Variants in ZNF362 observed in about 807,000 individuals in gnomAD.
ZNF362 encodes the protein zinc finger protein 362.
ZNF362 carries 11 observed loss-of-function variants against 42.9 expected under a neutral mutation model. The observed-to-expected ratio is 0.26, with a 90% CI of 0.16 to 0.42. The LOEUF (loss-of-function observed/expected upper bound fraction) is 0.42, where lower values mean the gene tolerates loss of function less well. ZNF362 is among the 20% of genes least tolerant of loss of function. The pLI, the probability that ZNF362 is intolerant of heterozygous loss-of-function variation, is 1.00. For missense variants in ZNF362, 362 were observed against 576.2 expected (o/e 0.63, Z 3.81); for synonymous variants, 255 against 257.3 (o/e 0.99, Z 0.09).
At chr1:33,163,515 T>A in the ZNF362 span, 1 of 152,218 alleles carries the variant, frequency 6.6e-6, no homozygotes, top group Non-Finnish European at 1.5e-5. Flanking sequence ...GTGCACCCCA[T>A]TTATTCTAGT....
chr1:33,158,996 A>G, the ZNF362 span, among the ~76,000 whole-genome samples: 1 of 151,952 alleles, frequency 6.6e-6, no homozygotes, highest in South Asian at 2.1e-4. Context: ...GCCTGCCACC[A>G]CGCCCGGCTA....
At chr1:33,245,212 C>T in the ZNF362 span, among the ~76,000 whole-genome samples, 1 of 152,172 alleles carries the variant, frequency 6.6e-6, no homozygotes. Context: ...ATTTAATCCA[C>T]TCAACCACCA....
the ZNF362 span, among the ~76,000 whole-genome samples, chr1:33,140,492 C>A: frequency 2.0e-5 from 3 of 152,216 alleles, no homozygotes; most frequent in African/African-American, 7.2e-5. This position sits in a 1 kb window ranked among gnomAD's most constrained non-coding sequence, Gnocchi z 4.0. Flanking sequence ...AGGAAGCAGG[C>A]ACAGGGGCTC....
the ZNF362 span, among the ~76,000 whole-genome samples, chr1:33,243,832 T>A: frequency 2.0e-5 from 3 of 150,638 alleles, no homozygotes; most frequent in Admixed American, 2.0e-4. Context: ...ATGGTCTCGA[T>A]CTCCTGACCT....
the ZNF362 span, among the ~76,000 whole-genome samples, chr1:33,240,274 G>A: frequency 6.6e-6 from 1 of 152,130 alleles, no homozygotes; most frequent in African/African-American, 2.4e-5. Flanking sequence ...TACCAAGGGC[G>A]GGAATCATCT....
intron 1 of ZNF362, among the ~76,000 whole-genome samples, chr1:33,268,082 A>G (rs1394802127): frequency 6.6e-6 from 1 of 152,214 alleles, no homozygotes. Context: ...TTTCACTGCT[A>G]TGGAAGCAGA....
At chr1:33,227,123 C>A in the ZNF362 span, among the ~76,000 whole-genome samples, 3 of 152,054 alleles carry the variant, frequency 2.0e-5, no homozygotes, top group South Asian at 2.1e-4. Flanking sequence ...ATGGATTGCA[C>A]AATTCTGTAA....
the ZNF362 span, chr1:33,158,508 C>G: frequency 1.6e-6 from 1 of 640,630 alleles, no homozygotes; most frequent in Non-Finnish European, 2.9e-6. Context: ...ATTCAAGTGC[C>G]TGCTTGTGCT....
At chr1:33,192,578 C>T in the ZNF362 span, among the ~76,000 whole-genome samples, 3 of 152,102 alleles carry the variant, frequency 2.0e-5, no homozygotes, top group African/African-American at 4.8e-5. Context: ...GGTTTATTAA[C>T]GGTTAATTTA....
chr1:33,223,690 C>G, the ZNF362 span, among the ~76,000 whole-genome samples: 2 of 151,992 alleles, frequency 1.3e-5, no homozygotes, highest in African/African-American at 4.8e-5. Flanking sequence ...GTCAGGAGTT[C>G]AAGATCAGCC....
chr1:33,272,475 C>T (rs1381736805), intron 2 of ZNF362, among the ~76,000 whole-genome samples: 1 of 152,178 alleles, frequency 6.6e-6, no homozygotes, highest in Non-Finnish European at 1.5e-5. Context: ...TTTCGTTCAT[C>T]CGCCCATCCA....
the ZNF362 span, among the ~76,000 whole-genome samples, chr1:33,158,065 G>T: frequency 1.3e-5 from 2 of 152,146 alleles, no homozygotes; most frequent in Non-Finnish European, 2.9e-5. Flanking sequence ...ATCTCCTGGG[G>T]TGTTATGAAG....
chr1:33,130,540 G>C, the ZNF362 span, among the ~76,000 whole-genome samples: 1 of 152,162 alleles, frequency 6.6e-6, no homozygotes, highest in Non-Finnish European at 1.5e-5. Flanking sequence ...CTGTGAGTGA[G>C]CTTGAAAGTA....
the ZNF362 span, among the ~76,000 whole-genome samples, chr1:33,244,048 G>T: frequency 6.6e-6 from 1 of 152,140 alleles, no homozygotes; most frequent in South Asian, 2.1e-4. This position sits in a 1 kb window ranked among gnomAD's most constrained non-coding sequence, Gnocchi z 4.0. Context: ...GATGGGATGG[G>T]GGAAGCAGGA....
the ZNF362 span, among the ~76,000 whole-genome samples, chr1:33,203,258 G>T: frequency 3.3e-5 from 5 of 151,944 alleles, no homozygotes; most frequent in East Asian, 9.6e-4. Flanking sequence ...ATTTCATTTA[G>T]CATAATGTCT....
At chr1:33,188,158 C>T in the ZNF362 span, among the ~76,000 whole-genome samples, 2 of 152,126 alleles carry the variant, frequency 1.3e-5, no homozygotes, top group Non-Finnish European at 2.9e-5. Flanking sequence ...CCCTTGAACC[C>T]AGGAGGCAGA....
At chr1:33,209,074 A>G in the ZNF362 span, among the ~76,000 whole-genome samples, 1 of 152,106 alleles carries the variant, frequency 6.6e-6, no homozygotes, top group East Asian at 1.9e-4. Context: ...AATAGCTCTT[A>G]TTATTTTGAG....
At chr1:33,194,532 CAAA>C in the ZNF362 span, among the ~76,000 whole-genome samples, 5 of 103,840 alleles carry the variant, frequency 4.8e-5, no homozygotes, top group Non-Finnish European at 3.7e-5. Flanking sequence ...GACCCTGTCT[CAAA>C]AAAAAAAAAA....
intron 1 of ZNF362, among the ~76,000 whole-genome samples, chr1:33,267,996 C>T (rs1645876253): frequency 6.6e-6 from 1 of 152,222 alleles, no homozygotes; most frequent in Non-Finnish European, 1.5e-5. Context: ...GCCAATTTCA[C>T]CATACCCTCA....
Sources: allele counts gnomAD v4.1 joint callset (sites outside exome capture counted in the v4.1 genomes callset), GRCh38; gene constraint gnomAD v4.1.1; non-coding constraint Gnocchi (gnomAD v3.1); transcripts MANE v1.5; gene names NCBI Gene and HGNC (gene_info 2026-07-23, HGNC 2026-07-21).